The following KCNIP4 variants were observed in gnomAD, a reference collection of about 807,000 sequenced individuals.
KCNIP4 encodes potassium voltage-gated channel interacting protein 4, also known as Kv channel-interacting protein 4.
In KCNIP4, 12 loss-of-function variants were observed where a neutral mutation model predicts 34.0. The observed-to-expected ratio is 0.35, with a 90% CI of 0.23 to 0.57. KCNIP4 has a LOEUF of 0.57. Ranked by LOEUF, KCNIP4 falls within the 20% of genes least tolerant of loss-of-function variation. The pLI is 0.83. For synonymous variants in KCNIP4, 124 were observed against 102.2 expected (o/e 1.21, Z -1.29); for missense variants, 238 against 311.7 (o/e 0.76, Z 1.78).
intron 1 of KCNIP4, among the ~76,000 whole-genome samples, chr4:21,616,053 T>C (rs1486054118): frequency 6.6e-6 from 1 of 152,180 alleles, no homozygotes; most frequent in Non-Finnish European, 1.5e-5. Flanking sequence ...AATAGCTCCC[T>C]ATTTCTTTGA....
intron 1 of KCNIP4, among the ~76,000 whole-genome samples, chr4:21,251,967 T>C (rs1324210314): frequency 6.6e-6 from 1 of 151,534 alleles, no homozygotes; most frequent in Non-Finnish European, 1.5e-5. Context: ...CACATGTAAC[T>C]AACCTGCACA....
intron 1 of KCNIP4, among the ~76,000 whole-genome samples, chr4:21,683,968 C>T (rs1241973198): frequency 1.3e-5 from 2 of 151,896 alleles, no homozygotes; most frequent in East Asian, 1.9e-4. Context: ...GATACTGGGG[C>T]CTGCTTGAGG....
chr4:20,982,116 T>C (rs370213047), intron 1 of KCNIP4, among the ~76,000 whole-genome samples: 100 of 152,328 alleles, frequency 6.6e-4, no homozygotes, highest in African/African-American at 2.4e-3. Context: ...CTTGGGACTT[T>C]TGATTTTAAA....
At chr4:21,621,418 G>A (rs533277613) in intron 1 of KCNIP4, among the ~76,000 whole-genome samples, 4 of 152,210 alleles carry the variant, frequency 2.6e-5, no homozygotes, top group East Asian at 3.9e-4. Flanking sequence ...CTGGAGTGAC[G>A]TGGTGTGAAC....
intron 1 of KCNIP4, among the ~76,000 whole-genome samples, chr4:21,346,060 G>A (rs911575641): frequency 4.4e-4 from 59 of 133,446 alleles, no homozygotes; most frequent in African/African-American, 1.5e-3. Context: ...AGCCCAACTC[G>A]GGCAGTGTAA....
intron 1 of KCNIP4, among the ~76,000 whole-genome samples, chr4:21,721,125 T>C (rs1714798110): frequency 6.6e-6 from 1 of 152,188 alleles, no homozygotes; most frequent in South Asian, 2.1e-4. Flanking sequence ...GTTAAACTGT[T>C]CAGTGAGCTA....
intron 1 of KCNIP4, among the ~76,000 whole-genome samples, chr4:21,606,862 T>G (rs7684272): frequency 0.66 from 99,783 of 151,888 alleles, 33,408 homozygotes; most frequent in East Asian, 0.87. Context: ...GGCTTGTGCA[T>G]GCCTTCCATG....
intron 1 of KCNIP4, among the ~76,000 whole-genome samples, chr4:21,699,043 G>A (rs1712615950): frequency 6.6e-6 from 1 of 152,150 alleles, no homozygotes; most frequent in Non-Finnish European, 1.5e-5. Context: ...TCAGCAACGT[G>A]CTTTCTGAAG....
At chr4:21,663,164 T>A (rs1748574226) in intron 1 of KCNIP4, among the ~76,000 whole-genome samples, 1 of 152,184 alleles carries the variant, frequency 6.6e-6, no homozygotes, top group African/African-American at 2.4e-5. Context: ...GATAATGGTT[T>A]CTAACTTACT....
intron 1 of KCNIP4, among the ~76,000 whole-genome samples, chr4:21,820,839 A>G (rs1722316068): frequency 6.6e-6 from 1 of 152,168 alleles, no homozygotes; most frequent in African/African-American, 2.4e-5. Context: ...ACCCATCAGA[A>G]AATGGCTGAT....
intron 1 of KCNIP4, among the ~76,000 whole-genome samples, chr4:21,226,354 A>AAGGAAG (rs1758398619): frequency 2.9e-5 from 4 of 135,832 alleles, no homozygotes; most frequent in African/African-American, 6.3e-5. Context: ...GAGAAGGAAG[A>AAGGAAG]GAAGGAAGGA....
At chr4:20,979,307 T>C (rs1735805969) in intron 1 of KCNIP4, among the ~76,000 whole-genome samples, 1 of 152,254 alleles carries the variant, frequency 6.6e-6, no homozygotes, top group African/African-American at 2.4e-5. Context: ...AAGTATTTTA[T>C]TGAGGAGGGA....
chr4:20,893,257 G>A (rs977362734), intron 1 of KCNIP4, among the ~76,000 whole-genome samples: 2 of 152,120 alleles, frequency 1.3e-5, no homozygotes, highest in Admixed American at 1.3e-4. Flanking sequence ...AATTAATAGA[G>A]AAGGTGAAAT....
intron 1 of KCNIP4, among the ~76,000 whole-genome samples, chr4:21,804,420 A>T (rs1036424986): frequency 6.6e-6 from 1 of 152,218 alleles, no homozygotes; most frequent in African/African-American, 2.4e-5. Context: ...CAAACACTGA[A>T]TTAGCAGTTA....
At chr4:21,828,212 A>G (rs1171016086) in intron 1 of KCNIP4, among the ~76,000 whole-genome samples, 1 of 151,566 alleles carries the variant, frequency 6.6e-6, no homozygotes, top group Non-Finnish European at 1.5e-5. Context: ...AATAATACAT[A>G]ACAATTGAAA....
intron 1 of KCNIP4, among the ~76,000 whole-genome samples, chr4:21,906,209 C>T (rs1727993093): frequency 6.6e-6 from 1 of 152,096 alleles, no homozygotes; most frequent in African/African-American, 2.4e-5. Flanking sequence ...TATGTTCTAA[C>T]TTGTGAGTGT....
chr4:21,637,112 G>A (rs994691234), intron 1 of KCNIP4, among the ~76,000 whole-genome samples: 1 of 152,146 alleles, frequency 6.6e-6, no homozygotes, highest in Non-Finnish European at 1.5e-5. Context: ...GGATGCTTGA[G>A]ACCTGTAGGC....
In KCNIP4 at chr4:21,103,675, C is replaced by A. The variant is rs148344117; in HGVS notation, c.62-220966G>T. 6.7e-3 allele frequency among the ~76,000 whole-genome samples: 1,012 copies of A among 151,106 alleles called. 13 individuals are homozygous for A. The highest frequency in any genetic ancestry group is 0.024 in the African/African-American group (971 of 41,002). Reference sequence around the variant, plus strand: ...CGTATACATGTGCCATGCTAGTGTGCTGCACCAATTAACTCTTCATTTAGC... The same window carrying A: ...CGTATACATGTGCCATGCTAGTGTGATGCACCAATTAACTCTTCATTTAGC... On this transcript the variant is annotated intron_variant, in intron 1 of 8. Transcript: ENST00000382152.
intron 1 of KCNIP4, among the ~76,000 whole-genome samples, chr4:21,855,237 A>G (rs1724676846): frequency 6.6e-6 from 1 of 152,338 alleles, no homozygotes; most frequent in African/African-American, 2.4e-5. Flanking sequence ...CTAGCATGAC[A>G]GTCTACATAA....
Sources: allele counts gnomAD v4.1 joint callset (sites outside exome capture counted in the v4.1 genomes callset), GRCh38; gene constraint gnomAD v4.1.1; transcripts MANE v1.5; gene names NCBI Gene and HGNC (gene_info 2026-07-23, HGNC 2026-07-21).